Variants in COA1 observed in about 807,000 individuals in gnomAD.
The protein encoded by COA1 is cytochrome c oxidase assembly factor 1.
A neutral mutation model predicts 16.0 loss-of-function variants in COA1; 13 were observed. That is an observed-to-expected ratio of 0.81 (90% CI 0.53 to 1.29). The LOEUF is 1.29. Ranked by LOEUF, COA1 falls within the 50% of genes most tolerant of loss-of-function variation. COA1 has a pLI of 0.00. For synonymous variants in COA1, 65 were observed against 65.7 expected, an observed-to-expected ratio of 0.99 and a Z score of 0.05; for missense variants, 179 against 177.0, an observed-to-expected ratio of 1.01 and a Z score of -0.06.
rs552683230 is a variant in COA1, at chr7:43,699,186, A to G, written c.-39+30243T>C. 5.3e-5 allele frequency among the ~76,000 whole-genome samples: 8 copies of G among 151,868 alleles called. No individual in the cohort carries two copies. In the South Asian group the frequency reaches 1.5e-3, roughly 28 times the overall value. On this transcript the variant is annotated intron_variant, in intron 1 of 5. Coordinates refer to ENST00000223336, the MANE Select transcript of COA1 (RefSeq NM_018224.4). ...ACACACCCTTAAAAATGAACCCTGCACTCCAATACACTTTTTCTGGATTAA... is the reference window on the plus strand; with the variant it reads ...ACACACCCTTAAAAATGAACCCTGCGCTCCAATACACTTTTTCTGGATTAA...
At chr7:43,638,155 A>G (rs1187934973), downstream of COA1, among the ~76,000 whole-genome samples, 1 of 152,224 alleles carries the variant, frequency 6.6e-6, no homozygotes, top group Non-Finnish European at 1.5e-5. Flanking sequence ...GTTTTTAAAG[A>G]AACAACTCCA....
chr7:43,671,536 A>G (rs994793528), intron 1 of COA1, among the ~76,000 whole-genome samples: 17 of 152,252 alleles, frequency 1.1e-4, no homozygotes, highest in African/African-American at 3.9e-4. Flanking sequence ...AAGTCTCTAC[A>G]AGGAGAACTA....
chr7:43,646,042 G>A (rs2089204848), intron 3 of COA1: 1 of 153,718 alleles, frequency 6.5e-6, no homozygotes, highest in South Asian at 2.0e-4. Context: ...CCTCCCTGAA[G>A]CTGTAAGTTC....
Position 43,644,817 on chromosome 7 carries a change from G to GAGAGAGAGAGAGAGAGAGAC in COA1, c.264+433_264+434insGTCTCTCTCTCTCTCTCTCT, listed in dbSNP as rs1245137600. On this transcript the variant is annotated intron_variant, in intron 4 of 5. Coordinates refer to ENST00000223336, the MANE Select transcript of COA1 (RefSeq NM_018224.4). ...AGAGAGACAGAGAGAGAGAGAGAGA[G>GAGAGAGAGAGAGAGAGAGAC]AGAGAGAGAGAGAGAGACAGGGTCT... 8.5e-3 allele frequency among the ~76,000 whole-genome samples: 1,079 copies of GAGAGAGAGAGAGAGAGAGAC among 126,700 alleles called. 96 individuals are homozygous for GAGAGAGAGAGAGAGAGAGAC. The highest frequency in any genetic ancestry group is 0.011 in the Non-Finnish European group (595 of 52,144). The allele number at this position is 126,700 out of a possible 152,430, so 83.1% of individuals were successfully genotyped here.
intron 6 of COA1, among the ~76,000 whole-genome samples, chr7:43,628,488 C>T (rs67873618): frequency 0.13 from 19,421 of 152,184 alleles, 1,642 homozygotes; most frequent in Non-Finnish European, 0.19. Flanking sequence ...ATTGCTAGGT[C>T]TTATGGTAGC....
chr7:43,694,537 A>ACAG (rs1399041869), intron 1 of COA1, among the ~76,000 whole-genome samples: 3 of 152,176 alleles, frequency 2.0e-5, no homozygotes, highest in African/African-American at 2.4e-5. Flanking sequence ...AGCATTCCAT[A>ACAG]CAGCTGAGCA....
At chr7:43,647,695 C>T in intron 2 of COA1, 61 bp from the exon 3 acceptor site, 2 of 1,349,466 alleles carry the variant, frequency 1.5e-6, no homozygotes, top group Non-Finnish European at 1.1e-6. Context: ...AGGGGATTTG[C>T]CCGGCTTGGA....
At chr7:43,647,202 T>G (rs1474787225) in intron 3 of COA1, 1 of 368,206 alleles carries the variant, frequency 2.7e-6, no homozygotes, top group South Asian at 5.7e-5. Context: ...CTGTGAACCA[T>G]CTGGTATTCC....
At chr7:43,726,994 G>A (rs2095629726) in intron 1 of COA1, among the ~76,000 whole-genome samples, 2 of 152,308 alleles carry the variant, frequency 1.3e-5, no homozygotes, top group South Asian at 4.1e-4. Context: ...CAAAAAGTTA[G>A]GAGATTTTTA....
intron 1 of COA1, among the ~76,000 whole-genome samples, chr7:43,678,886 T>G (rs1563342643): frequency 6.6e-6 from 1 of 152,226 alleles, no homozygotes; most frequent in Non-Finnish European, 1.5e-5. Context: ...GCAGCTGCTG[T>G]GGAAAATATG....
Position 43,639,485 on chromosome 7 carries a change from G to A in COA1, c.*97C>T. ...TGGTGGCTGGAAAACTGGGTTGCAGGAGTGTCTGTCACTGAGATGGGCCAC... is the reference window on the plus strand; with the variant it reads ...TGGTGGCTGGAAAACTGGGTTGCAGAAGTGTCTGTCACTGAGATGGGCCAC... On this transcript the variant is annotated 3_prime_UTR_variant, in exon 6 of 6. Coordinates refer to ENST00000223336, the MANE Select transcript of COA1 (RefSeq NM_018224.4). 1 of 918,960 alleles carries A rather than the reference G, an allele frequency of 1.1e-6. No homozygotes were observed. Among genetic ancestry groups the A allele is most frequent in the Non-Finnish European group, 1.8e-6 (1 of 569,190 alleles). The allele number at this position is 918,960 out of a possible 1,614,324, so 56.9% of individuals were successfully genotyped here.
At chr7:43,608,715 A>T (rs149206650) in exon 7 of COA1, 246 of 195,582 alleles carry the variant, frequency 1.3e-3, no homozygotes, top group African/African-American at 5.0e-3. Flanking sequence ...AAAATTGCTC[A>T]CAAGAGTTAG....
At chr7:43,655,631 C>A (rs10267289) in intron 1 of COA1, among the ~76,000 whole-genome samples, 22,363 of 152,166 alleles carry the variant, frequency 0.15, 2,195 homozygotes, top group Non-Finnish European at 0.21. Flanking sequence ...CACTGCACTC[C>A]AGCCTTTGAG....
In COA1 at chr7:43,648,424, C is replaced by CA. The variant is rs1469030433; in HGVS notation, c.15+175dup. On this transcript the variant is annotated intron_variant, in intron 2 of 5. Coordinates refer to ENST00000223336, the MANE Select transcript of COA1 (RefSeq NM_018224.4). ...GCCAGCATGAGACACGAGAGAAAGA[C>CA]AGAGTGGGAAACAATGCAGAAAATG... 7.9e-6 allele frequency: 6 copies of CA among 756,846 alleles called. No individual in the cohort carries two copies. In the African/African-American group the frequency reaches 1.0e-4, roughly 13 times the overall value. 46.9% of individuals were successfully genotyped at this position (756,846 alleles called of 1,614,324 possible). A position where few individuals can be genotyped will look rare whatever the true frequency, so the allele number is the denominator to read the frequency against.
At chr7:43,648,449 G>T (rs2090039613) in intron 2 of COA1, 151 bp downstream of exon 2, 1 of 821,450 alleles carries the variant, frequency 1.2e-6, no homozygotes, top group Non-Finnish European at 2.2e-6. Flanking sequence ...TGCAGAAAAT[G>T]CCCATCCCTC....
At chr7:43,701,034 T>C (rs1414111490) in intron 1 of COA1, among the ~76,000 whole-genome samples, 1 of 152,198 alleles carries the variant, frequency 6.6e-6, no homozygotes, top group East Asian at 1.9e-4. Context: ...AGCAATATAT[T>C]TTGAAGATTC....
chr7:43,681,258 T>C (rs564904666), intron 1 of COA1, among the ~76,000 whole-genome samples: 9 of 152,340 alleles, frequency 5.9e-5, no homozygotes, highest in South Asian at 2.1e-4. Context: ...ATTTTGGCTA[T>C]TGCATTTTTA....
chr7:43,663,697 C>CA (rs1373032481), intron 1 of COA1, among the ~76,000 whole-genome samples: 9 of 143,928 alleles, frequency 6.3e-5, no homozygotes, highest in African/African-American at 1.8e-4. Flanking sequence ...AACACACACA[C>CA]AAAAAAAAAC....
At chr7:43,667,993 G>A (rs776499879) in intron 1 of COA1, among the ~76,000 whole-genome samples, 2 of 152,196 alleles carry the variant, frequency 1.3e-5, no homozygotes, top group Non-Finnish European at 2.9e-5. Context: ...CAATATAATT[G>A]TTTCCATCAG....
Sources: allele counts gnomAD v4.1 joint callset (sites outside exome capture counted in the v4.1 genomes callset), GRCh38; gene constraint gnomAD v4.1.1; transcripts MANE v1.5; gene names NCBI Gene and HGNC (gene_info 2026-07-23, HGNC 2026-07-21).